DCC: variants seen among roughly 807,000 people sequenced by gnomAD.
DCC encodes the protein netrin receptor DCC.
A neutral mutation model predicts 172.5 loss-of-function variants in DCC; 58 were observed. The ratio of observed to expected loss-of-function variants is 0.34; its 90% CI spans 0.27 to 0.42. The LOEUF (loss-of-function observed/expected upper bound fraction) is 0.42. Among genes scored for constraint, DCC ranks in the 10% least tolerant of loss-of-function variants. The probability of loss-of-function intolerance (pLI) is 1.00; values close to 1 mark genes in which losing one functional copy is unlikely to be tolerated. For synonymous variants in DCC, 709 were observed against 644.5 expected (o/e 1.10, Z -1.52); for missense variants, 1,740 against 1,791.0 (o/e 0.97, Z 0.51).
intron 12 of DCC, among the ~76,000 whole-genome samples, chr18:53,293,210 C>T (rs1813714): frequency 0.14 from 21,610 of 152,142 alleles, 2,047 homozygotes; most frequent in African/African-American, 0.26. Context: ...CATGTTCATA[C>T]AGTCCGTGAA....
chr18:52,416,170 T>C (rs976373905), intron 1 of DCC, among the ~76,000 whole-genome samples: 36 of 152,234 alleles, frequency 2.4e-4, no homozygotes, highest in African/African-American at 8.2e-4. Flanking sequence ...AGTTTCCATG[T>C]AGTTGAGCAG....
At position 52,610,174 on chromosome 18, in the gene DCC, AAAAAATATATATATATATATAT is replaced by A. The variant is rs1158678748; in HGVS notation, c.92-141878_92-141857del. Reference sequence around the variant, plus strand: ...CATAAAAAAAAAAAAAAAAAAAAAAAAAAAATATATATATATATATATATATATATATATATATATATATATA... The same window carrying A: ...CATAAAAAAAAAAAAAAAAAAAAAAAATATATATATATATATATATATATA... On this transcript the variant is annotated intron_variant, in intron 1 of 28. Coordinates refer to ENST00000442544, the MANE Select transcript of DCC (RefSeq NM_005215.4). Among the ~76,000 whole-genome samples, 23 of 15,644 alleles carry A rather than the reference AAAAAATATATATATATATATAT, an allele frequency of 1.5e-3. 1 individual carries two copies. Among genetic ancestry groups the A allele is most frequent in the African/African-American group, 5.4e-3 (19 of 3,538 alleles). The allele number at this position is 15,644 out of a possible 152,430, so 10.3% of individuals were successfully genotyped here.
intron 12 of DCC, among the ~76,000 whole-genome samples, chr18:53,279,070 C>T (rs1345329490): frequency 6.6e-6 from 1 of 152,168 alleles, no homozygotes; most frequent in African/African-American, 2.4e-5. Flanking sequence ...CTCTCCAGCA[C>T]CTGTTGTTTC....
intron 5 of DCC, among the ~76,000 whole-genome samples, chr18:53,061,371 C>T (rs556338060): frequency 3.3e-5 from 5 of 152,002 alleles, no homozygotes; most frequent in South Asian, 2.1e-4. Flanking sequence ...CATACGTAAA[C>T]GTATATATTT....
chr18:53,053,208 C>T (rs2042358036), intron 5 of DCC, among the ~76,000 whole-genome samples: 1 of 151,940 alleles, frequency 6.6e-6, no homozygotes, highest in Non-Finnish European at 1.5e-5. Flanking sequence ...AAACTTGGGG[C>T]TATTCATAAT....
chr18:52,839,914 C>T lies in DCC; in HGVS notation c.413-66130C>T, dbSNP rs185920007. On this transcript the variant is annotated intron_variant, in intron 2 of 28. Transcript: ENST00000442544. ...TACCTTGCACTTCCAGTTGCAGATA[C>T]CTTTAAATAAAACATAGTTCACTTC... Among the ~76,000 whole-genome samples the T allele has an allele frequency of 3.9e-5, 6 of 152,300 alleles. No individual in the cohort carries two copies. The East Asian group carries it at 5.8e-4, about 15-fold the overall frequency.
chr18:52,900,513 T>A (rs28378319), intron 2 of DCC, among the ~76,000 whole-genome samples: 437 of 152,320 alleles, frequency 2.9e-3, no homozygotes, highest in African/African-American at 0.01. Flanking sequence ...ATCAATATAA[T>A]TTTTGATGCT....
chr18:52,906,421 T>C, intron 3 of DCC, 93 bp downstream of exon 3: 1 of 1,298,750 alleles, frequency 7.7e-7, no homozygotes, highest in Non-Finnish European at 1.1e-6. Flanking sequence ...GTAATTGTTA[T>C]AAGTTCTGTA....
intron 9 of DCC, among the ~76,000 whole-genome samples, chr18:53,191,585 A>G (rs2055367389): frequency 6.6e-6 from 1 of 152,208 alleles, no homozygotes; most frequent in African/African-American, 2.4e-5. Flanking sequence ...TTATATGTAT[A>G]TTGCTTGTGT....
chr18:53,228,582 T>C (rs2056073146), intron 12 of DCC, among the ~76,000 whole-genome samples: 1 of 152,108 alleles, frequency 6.6e-6, no homozygotes, highest in African/African-American at 2.4e-5. Flanking sequence ...CCATGGGGAA[T>C]TAACTTCTCT....
chr18:52,439,668 C>A (rs1987913266), intron 1 of DCC, among the ~76,000 whole-genome samples: 1 of 152,150 alleles, frequency 6.6e-6, no homozygotes, highest in Non-Finnish European at 1.5e-5. Context: ...AGGGACATGA[C>A]CTAGGACAGG....
chr18:52,635,143 T>A (rs1286841780), intron 1 of DCC, among the ~76,000 whole-genome samples: 2 of 152,234 alleles, frequency 1.3e-5, no homozygotes, highest in African/African-American at 4.8e-5. Context: ...GAAACTATTT[T>A]ACAACACAGT....
rs113472152 is a variant in DCC, at chr18:53,084,184, C to A, written c.1261+18018C>A. Among the ~76,000 whole-genome samples the A allele has an allele frequency of 9.1e-3, 1,389 of 152,284 alleles. 23 individuals are homozygous for A. The highest frequency in any genetic ancestry group is 0.031 in the African/African-American group (1,301 of 41,564). ...TACAGAGTCCCGAGGTGGCTCAGGGCATCACATGGCAAGGAGGCTAAGTGT... is the reference window on the plus strand; with the variant it reads ...TACAGAGTCCCGAGGTGGCTCAGGGAATCACATGGCAAGGAGGCTAAGTGT... On this transcript the variant is annotated intron_variant, in intron 7 of 28. Transcript: ENST00000442544.
chr18:52,792,179 T>G (rs939721257), intron 2 of DCC, among the ~76,000 whole-genome samples: 1 of 151,194 alleles, frequency 6.6e-6, no homozygotes, highest in Non-Finnish European at 1.5e-5. Context: ...CAGAGAGTGA[T>G]GCTCACTGTG....
chr18:53,187,204 C>G (rs541640012), intron 9 of DCC, among the ~76,000 whole-genome samples: 1 of 151,520 alleles, frequency 6.6e-6, no homozygotes, highest in South Asian at 2.1e-4. Flanking sequence ...CTCACTGCAA[C>G]CTCCACGTCC....
rs183981852 is a variant in DCC, at chr18:52,588,956, C to T, written c.92-163098C>T. 3.4e-3 allele frequency among the ~76,000 whole-genome samples: 514 copies of T among 152,010 alleles called. 1 individual carries two copies. Among genetic ancestry groups the T allele is most frequent in the Non-Finnish European group, 5.6e-3 (380 of 67,980 alleles). On this transcript the variant is annotated intron_variant, in intron 1 of 28. Transcript: ENST00000442544. ...AATTCCAGGCAATATACAATATTTG[C>T]CTCATCTTTATGGTAATTTAACCCA...
chr18:53,357,502 T>TA (rs1214759026), intron 15 of DCC, among the ~76,000 whole-genome samples: 1 of 152,196 alleles, frequency 6.6e-6, no homozygotes, highest in Non-Finnish European at 1.5e-5. Flanking sequence ...GACTCAAGAA[T>TA]AGCTGACATA....
At chr18:52,722,803 T>G (rs2036493547) in intron 1 of DCC, among the ~76,000 whole-genome samples, 1 of 152,198 alleles carries the variant, frequency 6.6e-6, no homozygotes, top group Admixed American at 6.5e-5. Context: ...GTACTTCCCT[T>G]TCTTACTGCT....
chr18:53,515,925 T>A (rs1281419122), intron 27 of DCC, among the ~76,000 whole-genome samples: 2 of 152,092 alleles, frequency 1.3e-5, no homozygotes, highest in African/African-American at 4.8e-5. Flanking sequence ...CCAATGCCTT[T>A]CTTCACAGAA....
Sources: gnomAD v4.1 joint callset for allele counts (sites outside exome capture counted in the v4.1 genomes callset) on GRCh38, gnomAD v4.1.1 for gene constraint, MANE v1.5 for transcripts, NCBI Gene and HGNC (gene_info 2026-07-23, HGNC 2026-07-21) for gene names.